IL1RAPL1: variants seen among roughly 807,000 people sequenced by gnomAD.
IL1RAPL1 encodes interleukin 1 receptor accessory protein like 1.
In IL1RAPL1, 3 loss-of-function variants were observed where a neutral mutation model predicts 48.4. The observed-to-expected ratio is 0.06, with a 90% CI of 0.03 to 0.16. The LOEUF (loss-of-function observed/expected upper bound fraction) is 0.16. Among genes scored for constraint, IL1RAPL1 ranks in the 10% least tolerant of loss-of-function variants. IL1RAPL1 has a pLI of 1.00. For synonymous variants in IL1RAPL1, 185 were observed against 187.7 expected (o/e 0.99, Z 0.12); for missense variants, 349 against 530.6 (o/e 0.66, Z 3.36).
chrX:29,795,225 T>TTACATATTACATCTATATCTATCTGA (rs749686289), intron 6 of IL1RAPL1, among the ~76,000 whole-genome samples: 60 of 111,873 alleles, frequency 5.4e-4, no homozygotes, highest in African/African-American at 1.8e-3. Flanking sequence ...TATCTATCTA[T>TTACATATTACATCTATATCTATCTGA]TACATATTTA....
chrX:29,687,509 A>C (rs771725033), intron 6 of IL1RAPL1, among the ~76,000 whole-genome samples: 59 of 111,416 alleles, frequency 5.3e-4, no homozygotes, highest in African/African-American at 1.9e-3. Context: ...GGGTAGGAAG[A>C]TGGGGAGGGG....
At chrX:29,269,111 C>T (rs981766544) in intron 2 of IL1RAPL1, among the ~76,000 whole-genome samples, 1 of 112,189 alleles carries the variant, frequency 8.9e-6, no homozygotes, top group African/African-American at 3.2e-5. Flanking sequence ...CAAAAACATA[C>T]TTTCACTCAC....
chrX:29,536,480 A>G (rs1484263083), intron 5 of IL1RAPL1, among the ~76,000 whole-genome samples: 1 of 111,810 alleles, frequency 8.9e-6, no homozygotes, highest in African/African-American at 3.2e-5. Context: ...TCTTTGCAGT[A>G]ATTTTAAGTA....
chrX:28,964,478 A>G (rs1431846937), intron 2 of IL1RAPL1, among the ~76,000 whole-genome samples: 3 of 111,705 alleles, frequency 2.7e-5, no homozygotes, highest in Non-Finnish European at 5.7e-5. Flanking sequence ...AAATTTTGTT[A>G]TTAAGATGCA....
chrX:29,400,065 G>A (rs964150700), intron 5 of IL1RAPL1, among the ~76,000 whole-genome samples: 9 of 111,200 alleles, frequency 8.1e-5, no homozygotes, highest in Non-Finnish European at 1.7e-4. Context: ...TCATGAACTT[G>A]AAAATAGCAT....
chrX:29,215,467 G>A (rs752567045), intron 2 of IL1RAPL1, among the ~76,000 whole-genome samples: 22 of 111,535 alleles, frequency 2.0e-4, no homozygotes, highest in East Asian at 5.6e-4. Flanking sequence ...GTTCTGAATC[G>A]TGAGTCATTT....
intron 3 of IL1RAPL1, among the ~76,000 whole-genome samples, chrX:29,321,484 C>A (rs1464737799): frequency 8.9e-6 from 1 of 112,176 alleles, no homozygotes; most frequent in Non-Finnish European, 1.9e-5. Flanking sequence ...TTCATAAACA[C>A]AGATACAGGA....
chrX:29,018,857 G>A (rs927693540), intron 2 of IL1RAPL1, among the ~76,000 whole-genome samples: 1 of 111,942 alleles, frequency 8.9e-6, no homozygotes, highest in African/African-American at 3.3e-5. Context: ...GCCAGGTTCT[G>A]GGAGGAGTTG....
chrX:28,674,273 A>G (rs143747149), intron 1 of IL1RAPL1, among the ~76,000 whole-genome samples: 2,404 of 110,405 alleles, frequency 0.022, 74 homozygotes, highest in African/African-American at 0.076. Flanking sequence ...ACCCAAAACA[A>G]CATTAAAATG....
At chrX:29,123,984 C>T (rs1214284799) in intron 2 of IL1RAPL1, among the ~76,000 whole-genome samples, 4 of 111,090 alleles carry the variant, frequency 3.6e-5, no homozygotes, top group Non-Finnish European at 7.5e-5. Context: ...ACTAGAGCAT[C>T]TTAAAATTAT....
At chrX:28,790,208 G>C (rs1298088564) in intron 2 of IL1RAPL1, among the ~76,000 whole-genome samples, 1 of 112,338 alleles carries the variant, frequency 8.9e-6, no homozygotes, top group Non-Finnish European at 1.9e-5. Flanking sequence ...AGGGTATTGT[G>C]TTTTGTTGCT....
intron 2 of IL1RAPL1, among the ~76,000 whole-genome samples, chrX:28,860,369 TATA>T (rs1392312160): frequency 9.0e-6 from 1 of 111,457 alleles, no homozygotes; most frequent in Non-Finnish European, 1.9e-5. Flanking sequence ...AGAAAGTTCT[TATA>T]ATAATATCTA....
chrX:28,706,198 C>T (rs1387512653), intron 1 of IL1RAPL1, among the ~76,000 whole-genome samples: 2 of 111,574 alleles, frequency 1.8e-5, no homozygotes. Context: ...TGTTTAGATA[C>T]ATAAATACCT....
At chrX:29,099,843 C>T (rs1209885615) in intron 2 of IL1RAPL1, among the ~76,000 whole-genome samples, 2 of 111,368 alleles carry the variant, frequency 1.8e-5, no homozygotes, top group Non-Finnish European at 3.8e-5. Flanking sequence ...CAAAACATTG[C>T]AATTATATAT....
chrX:28,847,446 G>A (rs912205322), intron 2 of IL1RAPL1, among the ~76,000 whole-genome samples: 10 of 111,242 alleles, frequency 9.0e-5, no homozygotes, highest in African/African-American at 2.6e-4. Flanking sequence ...TCTCTATTCA[G>A]CCTCTACTTA....
chrX:28,959,359 A>G (rs1248981504), intron 2 of IL1RAPL1, among the ~76,000 whole-genome samples: 1 of 111,307 alleles, frequency 9.0e-6, no homozygotes, highest in African/African-American at 3.3e-5. Context: ...AAAATCAATT[A>G]TAAATGGAAA....
intron 2 of IL1RAPL1, among the ~76,000 whole-genome samples, chrX:29,015,630 G>A (rs111530639): frequency 0.011 from 1,250 of 111,135 alleles, 22 homozygotes; most frequent in African/African-American, 0.039. Flanking sequence ...GCATTAGCCA[G>A]TGTATTTGCA....
At chrX:29,502,496 AC>A (rs752356177) in intron 5 of IL1RAPL1, among the ~76,000 whole-genome samples, 1 of 111,603 alleles carries the variant, frequency 9.0e-6, no homozygotes, top group Admixed American at 9.5e-5. Context: ...TTCCTTCTAT[AC>A]CCAGTTTGAT....
intron 1 of IL1RAPL1, among the ~76,000 whole-genome samples, chrX:28,590,344 T>G (rs1181596157): frequency 8.9e-6 from 1 of 111,778 alleles, no homozygotes; most frequent in African/African-American, 3.3e-5. Flanking sequence ...TTTTCTGTTT[T>G]TCTTTTATTT....
Sources: gnomAD v4.1 joint callset for allele counts (sites outside exome capture counted in the v4.1 genomes callset) on GRCh38, gnomAD v4.1.1 for gene constraint, MANE v1.5 for transcripts, NCBI Gene and HGNC (gene_info 2026-07-23, HGNC 2026-07-21) for gene names.